PRDM11: variants seen among roughly 807,000 people sequenced by gnomAD.
PRDM11 encodes the protein PR/SET domain 11.
Under a neutral mutation model 97.8 loss-of-function variants are expected in PRDM11, and 20 were observed. That is an observed-to-expected ratio of 0.20 (90% confidence interval 0.14 to 0.30). PRDM11 has a LOEUF of 0.30. PRDM11 is among the 10% of genes least tolerant of loss of function. PRDM11 has a pLI of 1.00. For synonymous variants in PRDM11, 599 were observed against 637.7 expected, an observed-to-expected ratio of 0.94 and a Z score of 0.91; for missense variants, 1,139 against 1,555.2, an observed-to-expected ratio of 0.73 and a Z score of 4.50.
Position 45,224,484 on chromosome 11 carries a change from A to G in PRDM11, c.1010A>G (p.Tyr337Cys). The change falls in exon 7 of 8, where the codon TAC becomes TGC. Residue 337 changes from tyrosine to cysteine, a missense_variant. Physicochemically the swap from Tyr to Cys is radical, Grantham distance 194. This residue lies in a region of PRDM11 where 429 missense variants were observed against 510.3 expected (regional missense o/e 0.84). Transcript: ENST00000683152. ...CTGGTCATCAGGAAAGTCCCCAAATACCAGGATGACGCCTACAGTCAGTGT... is the reference window on the plus strand; with the variant it reads ...CTGGTCATCAGGAAAGTCCCCAAATGCCAGGATGACGCCTACAGTCAGTGT... Reference protein sequence around the residue: ...TSLVIRKVPKYQDDAYSQCAT... With the variant: ...TSLVIRKVPKCQDDAYSQCAT... 1 of 1,614,196 alleles carries G rather than the reference A, an allele frequency of 6.2e-7. No homozygotes were observed. The highest frequency in any genetic ancestry group is 8.5e-7 in the Non-Finnish European group (1 of 1,180,040).
At chr11:45,223,350 T>C (rs114620869) in intron 6 of PRDM11, among the ~76,000 whole-genome samples, 205 of 152,320 alleles carry the variant, frequency 1.3e-3, no homozygotes, top group African/African-American at 4.6e-3. Flanking sequence ...TAATTTATGG[T>C]TCAGGAGCTC....
intron 1 of PRDM11, chr11:45,147,333 C>T (rs1356020107): frequency 1.3e-5 from 2 of 151,652 alleles, no homozygotes; most frequent in Non-Finnish European, 2.9e-5. Context: ...CTCGCCGCGG[C>T]CGCCGGCCTA....
At chr11:45,193,204 G>C (rs902944875) in intron 4 of PRDM11, among the ~76,000 whole-genome samples, 1 of 152,204 alleles carries the variant, frequency 6.6e-6, no homozygotes, top group African/African-American at 2.4e-5. Flanking sequence ...AGCCTCCAGA[G>C]TAGCTGCGAT....
chr11:45,159,092 G>A (rs1160946528), intron 1 of PRDM11, among the ~76,000 whole-genome samples: 1 of 152,180 alleles, frequency 6.6e-6, no homozygotes, highest in South Asian at 2.1e-4. Context: ...CCCGGGCTTC[G>A]GTTAGAAACC....
intron 4 of PRDM11, among the ~76,000 whole-genome samples, chr11:45,195,430 A>G (rs1280532551): frequency 1.3e-5 from 2 of 151,632 alleles, no homozygotes; most frequent in East Asian, 3.9e-4. Context: ...TTCTGACCCT[A>G]TGGATTTTTC....
chr11:45,161,143 A>G (rs564346962), intron 1 of PRDM11, among the ~76,000 whole-genome samples: 22 of 152,024 alleles, frequency 1.4e-4, no homozygotes, highest in African/African-American at 4.6e-4. Flanking sequence ...AGCAGCACCT[A>G]CATCCTGGCA....
At chr11:45,145,402 C>G (rs1565260400), upstream of PRDM11, among the ~76,000 whole-genome samples, 1 of 151,444 alleles carries the variant, frequency 6.6e-6, no homozygotes, top group Non-Finnish European at 1.5e-5. Flanking sequence ...TGAGCACCCC[C>G]ATCTGACCAT....
chr11:45,133,816 C>T (rs996843863), intron 1 of PRDM11, among the ~76,000 whole-genome samples: 2 of 152,182 alleles, frequency 1.3e-5, no homozygotes, highest in African/African-American at 2.4e-5. Context: ...AGCAGCTTGC[C>T]TCAACATACA....
intron 4 of PRDM11, among the ~76,000 whole-genome samples, chr11:45,196,172 C>T (rs117285239): frequency 0.011 from 1,693 of 152,232 alleles, 28 homozygotes; most frequent in Middle Eastern, 0.034. Flanking sequence ...CTTGTCAACC[C>T]TTGTTTTTCT....
rs1290212210 is a variant in PRDM11 at position 45,211,984 on chromosome 11, TCTTAGTAC to T, written c.554+7210_554+7217del. Among the ~76,000 whole-genome samples, 5 of 152,292 alleles carry T rather than the reference TCTTAGTAC, an allele frequency of 3.3e-5. No individual in the cohort carries two copies. In the South Asian group the frequency reaches 8.3e-4, roughly 25 times the overall value. On this transcript the variant is annotated intron_variant, in intron 5 of 7. Coordinates refer to ENST00000683152, the MANE Select transcript of PRDM11 (RefSeq NM_001384648.1). ...TCTGGTGCTCAGAGGGCCAAGAGCG[TCTTAGTAC>T]CTTTAGGCAGGTGCCGCTCCTTCAG...
chr11:45,224,337 A>T lies in PRDM11; in HGVS notation c.863A>T (p.Asp288Val), dbSNP rs1854205306. Residue 288 changes from aspartate (D) to valine (V), a missense_variant, in exon 7 of 8, where the codon GAT becomes GTT. Transcript: ENST00000683152. Reference sequence around the variant, plus strand: ...AAAAGTCCCTACAAGCGTGGCTTTGATGAGGGGGATGTACACCCCCAAGCT... The same window carrying T: ...AAAAGTCCCTACAAGCGTGGCTTTGTTGAGGGGGATGTACACCCCCAAGCT... ...QGKSPYKRGF[D>V]EGDVHPQAKK... is the part of the protein sequence containing the mutation. 6.2e-7 allele frequency: 1 copy of T among 1,614,186 alleles called. No homozygotes were observed. Among genetic ancestry groups the T allele is most frequent in the African/African-American group, 1.3e-5 (1 of 75,038 alleles).
intron 1 of PRDM11, among the ~76,000 whole-genome samples, chr11:45,117,070 A>C (rs1052983605): frequency 2.0e-4 from 31 of 152,006 alleles, no homozygotes; most frequent in African/African-American, 7.5e-4. Flanking sequence ...CTAAAAATAC[A>C]AAAATTAGCT....
chr11:45,170,168 C>T (rs1852167163), intron 1 of PRDM11, among the ~76,000 whole-genome samples: 1 of 152,138 alleles, frequency 6.6e-6, no homozygotes, highest in Non-Finnish European at 1.5e-5. Context: ...CATGGCGAAA[C>T]TCCGTCTCTA....
intron 1 of PRDM11, among the ~76,000 whole-genome samples, chr11:45,100,550 C>T (rs1259837427): frequency 6.6e-6 from 1 of 152,228 alleles, no homozygotes; most frequent in Non-Finnish European, 1.5e-5. Context: ...CCCACTGGTG[C>T]TCATCATCAT....
rs907686059 is a variant in PRDM11 at position 45,229,258 on chromosome 11, A to G, written c.*1099A>G. 3 of 152,176 alleles carry G rather than the reference A, an allele frequency of 2.0e-5. No homozygotes were observed. The highest frequency in any genetic ancestry group is 2.9e-5 in the Non-Finnish European group (2 of 68,038). The allele number at this position is 152,176 out of a possible 1,614,324, so 9.4% of individuals were successfully genotyped here. A position where few individuals can be genotyped will look rare whatever the true frequency, so the allele number is the denominator to read the frequency against. On this transcript the variant is annotated 3_prime_UTR_variant, in exon 8 of 8. Coordinates refer to ENST00000683152, the MANE Select transcript of PRDM11 (RefSeq NM_001384648.1). The stretch of plus-strand genomic sequence containing the variant: ...TTCAGTGGCAGGTAGTGTCAATGCA[A>G]ATTGTGCCCTAAGTTATGCATAACT...
At chr11:45,123,384 T>C (rs1171293999) in intron 1 of PRDM11, among the ~76,000 whole-genome samples, 4 of 151,986 alleles carry the variant, frequency 2.6e-5, no homozygotes, top group Admixed American at 1.3e-4. Flanking sequence ...TTTGTTGCCA[T>C]TGCTTTTGGT....
At chr11:45,222,512 A>C (rs1252475896) in intron 6 of PRDM11, among the ~76,000 whole-genome samples, 1 of 152,158 alleles carries the variant, frequency 6.6e-6, no homozygotes, top group Non-Finnish European at 1.5e-5. Context: ...AGTTATCTCC[A>C]TCTCTCCCCT....
At chr11:45,218,436 T>C (rs1031175988) in intron 5 of PRDM11, among the ~76,000 whole-genome samples, 1 of 152,260 alleles carries the variant, frequency 6.6e-6, no homozygotes, top group African/African-American at 2.4e-5. Context: ...TACTTTTCAT[T>C]TGTTTATTAT....
upstream of PRDM11, chr11:45,095,686 T>C: frequency 6.2e-6 from 4 of 649,954 alleles, no homozygotes; most frequent in Non-Finnish European, 1.1e-5. Flanking sequence ...ACATGTCCTC[T>C]TGGGGAAAGG....
Sources: gnomAD v4.1 joint callset for allele counts (sites outside exome capture counted in the v4.1 genomes callset) on GRCh38, gnomAD v4.1.1 for gene constraint, gnomAD v4.1.1 regional missense constraint, MANE v1.5 for transcripts, NCBI Gene and HGNC (gene_info 2026-07-23, HGNC 2026-07-21) for gene names.